EYS: variants seen among roughly 807,000 people sequenced by gnomAD.
EYS encodes EGF-like photoreceptor maintenance factor, also known as protein eyes shut homolog.
A neutral mutation model predicts 282.1 loss-of-function variants in EYS; 250 were observed. That is an observed-to-expected ratio of 0.89 (90% CI 0.80 to 0.98). EYS has a LOEUF of 0.98. Ranked by LOEUF, EYS falls within the 50% of genes least tolerant of loss-of-function variation. EYS has a pLI of 0.00. For synonymous variants in EYS, 1,355 were observed against 1,282.9 expected, an observed-to-expected ratio of 1.06 and a Z score of -1.20; for missense variants, 4,016 against 3,709.0, an observed-to-expected ratio of 1.08 and a Z score of -2.15.
Position 65,199,666 on chromosome 6 carries a change from A to T in EYS, c.2023+96197T>A, listed in dbSNP as rs140768863. On this transcript the variant is annotated intron_variant, in intron 12 of 42. Coordinates refer to ENST00000503581, the MANE Select transcript of EYS (RefSeq NM_001142800.2). The stretch of plus-strand genomic sequence containing the variant: ...TATTCTGTTCAAGAAAGTTAAATTG[A>T]CTTAAAAATACTGAATCATCTGAGT... Among the ~76,000 whole-genome samples, 395 of 152,278 alleles carry T rather than the reference A, an allele frequency of 2.6e-3. 2 individuals are homozygous for T. Among genetic ancestry groups the T allele is most frequent in the African/African-American group, 8.8e-3 (367 of 41,566 alleles).
At chr6:64,176,282 A>G (rs1764631335) in intron 31 of EYS, among the ~76,000 whole-genome samples, 1 of 152,124 alleles carries the variant, frequency 6.6e-6, no homozygotes, top group African/African-American at 2.4e-5. Flanking sequence ...GCCAAAAAGC[A>G]TTATACAAAT....
chr6:64,590,442 A>G lies in EYS; in HGVS notation c.5425T>C (p.Ser1809Pro), dbSNP rs973479262. ...TPALSIQTSS[S>P]MSVIRPDWPY... ...CAATCTGGCCTAATTACAGACATGG[A>G]GGAAGACGTCTGTATTGAAAGTGCT... The change falls in exon 26 of 43, where the codon TCC (serine) becomes CCC (proline). Residue 1809 changes from serine to proline, a missense_variant. By Grantham distance (74) the Ser-to-Pro change is moderately conservative. Coordinates refer to ENST00000503581, the MANE Select transcript of EYS (RefSeq NM_001142800.2). The G allele has an allele frequency of 9.7e-6, 15 of 1,551,052 alleles. No homozygotes were observed. Among genetic ancestry groups the G allele is most frequent in the Non-Finnish European group, 1.3e-5 (15 of 1,146,556 alleles).
chr6:64,585,656 T>C (rs1352804945), intron 26 of EYS, among the ~76,000 whole-genome samples: 1 of 152,114 alleles, frequency 6.6e-6, no homozygotes, highest in Non-Finnish European at 1.5e-5. Flanking sequence ...GTTTTATATA[T>C]AGCATGTATA....
intron 2 of EYS, among the ~76,000 whole-genome samples, chr6:65,599,078 G>T (rs188953641): frequency 4.6e-5 from 7 of 152,058 alleles, no homozygotes; most frequent in Admixed American, 3.9e-4. Context: ...CTCAAGTCCC[G>T]CAGTCAGCCT....
chr6:64,531,771 C>G (rs1235932915), intron 26 of EYS, among the ~76,000 whole-genome samples: 1 of 151,914 alleles, frequency 6.6e-6, no homozygotes, highest in African/African-American at 2.4e-5. Flanking sequence ...AATTTTAATA[C>G]ATTCAGAAAT....
intron 30 of EYS, among the ~76,000 whole-genome samples, chr6:64,292,845 T>C (rs1466806166): frequency 2.0e-5 from 3 of 152,092 alleles, no homozygotes; most frequent in Non-Finnish European, 2.9e-5. Context: ...TTAAAAAATA[T>C]ACATCAAATC....
chr6:64,422,874 C>T (rs1363323294), intron 28 of EYS, among the ~76,000 whole-genome samples: 1 of 151,482 alleles, frequency 6.6e-6, no homozygotes, highest in East Asian at 1.9e-4. Flanking sequence ...TAATAATGTG[C>T]ATAATAAATA....
At chr6:65,610,445 A>T (rs1765957839) in intron 2 of EYS, among the ~76,000 whole-genome samples, 2 of 152,044 alleles carry the variant, frequency 1.3e-5, no homozygotes, top group Non-Finnish European at 2.9e-5. Context: ...CATCATTTAG[A>T]TACATTTTTA....
rs535933835 is a variant in EYS, at chr6:63,896,621, A to G, written c.7056-32263T>C. 3.3e-5 allele frequency among the ~76,000 whole-genome samples: 5 copies of G among 152,292 alleles called. No individual in the cohort carries two copies. The East Asian group carries it at 9.7e-4, about 29-fold the overall frequency. On this transcript the variant is annotated intron_variant, in intron 35 of 42. Coordinates refer to ENST00000503581, the MANE Select transcript of EYS (RefSeq NM_001142800.2). Reference sequence around the variant, plus strand: ...GCTTACTCTTGGTGTTGTACATTCTATGTGTTTGGACAAATACAGAATGAC... The same window carrying G: ...GCTTACTCTTGGTGTTGTACATTCTGTGTGTTTGGACAAATACAGAATGAC...
chr6:64,899,610 T>C (rs564039949), intron 18 of EYS, among the ~76,000 whole-genome samples: 2 of 152,078 alleles, frequency 1.3e-5, no homozygotes, highest in African/African-American at 4.8e-5. Flanking sequence ...AACCAAATCA[T>C]GAGTAAACTC....
At chr6:65,277,429 C>T (rs989709420) in intron 12 of EYS, among the ~76,000 whole-genome samples, 13 of 58,208 alleles carry the variant, frequency 2.2e-4, no homozygotes, top group African/African-American at 5.8e-4. Context: ...GAGATTCCGT[C>T]AAAAAAAAAA....
In EYS at chr6:64,047,632, GTGTT is replaced by G. The variant is rs1770673249; in HGVS notation, c.6725+18702_6725+18705del. 4.6e-5 allele frequency among the ~76,000 whole-genome samples: 7 copies of G among 152,294 alleles called. No homozygotes were observed. The South Asian group carries it at 1.5e-3, about 32-fold the overall frequency. Reference sequence around the variant, plus strand: ...TAGTATTTGCAAAATATTCAGAAGAGTGTTTGTCACATAATAAGCACCATGTGAG... The same window carrying G: ...TAGTATTTGCAAAATATTCAGAAGAGTGTCACATAATAAGCACCATGTGAG... On this transcript the variant is annotated intron_variant, in intron 33 of 42. Coordinates refer to ENST00000503581, the MANE Select transcript of EYS (RefSeq NM_001142800.2).
intron 41 of EYS, among the ~76,000 whole-genome samples, chr6:63,752,558 T>TGCACTCCA (rs1205598008): frequency 2.0e-5 from 3 of 147,498 alleles, no homozygotes; most frequent in Non-Finnish European, 4.4e-5. Flanking sequence ...AGTGGCGCAA[T>TGCACTCCA]CTCGGCTCAC....
intron 2 of EYS, among the ~76,000 whole-genome samples, chr6:65,527,219 C>T (rs16896761): frequency 6.6e-6 from 1 of 152,122 alleles, no homozygotes; most frequent in Non-Finnish European, 1.5e-5. Flanking sequence ...CCCCAAGTAA[C>T]TCTAGAAAGC....
Position 63,885,080 on chromosome 6 carries a change from T to C in EYS, c.7056-20722A>G, listed in dbSNP as rs1310663854. Among the ~76,000 whole-genome samples the C allele has an allele frequency of 3.9e-5, 6 of 152,300 alleles. No individual in the cohort carries two copies. In the South Asian group the frequency reaches 8.3e-4, roughly 21 times the overall value. ...CACCAACTGAAGTGCAGGTTCTAAA[T>C]GGAAATCTATTATATCCTCCCATAT... On this transcript the variant is annotated intron_variant, in intron 35 of 42. Transcript: ENST00000503581.
chr6:65,608,754 G>C (rs1394441881), intron 2 of EYS, among the ~76,000 whole-genome samples: 1 of 151,772 alleles, frequency 6.6e-6, no homozygotes. Flanking sequence ...AATTTTAAAA[G>C]ATTTATTTTC....
chr6:64,393,292 T>A (rs1561968799), intron 28 of EYS, among the ~76,000 whole-genome samples: 1 of 152,182 alleles, frequency 6.6e-6, no homozygotes, highest in Non-Finnish European at 1.5e-5. Context: ...AAGGCCAGCA[T>A]CATTCTGATA....
At chr6:64,322,337 T>C (rs577170174) in intron 29 of EYS, among the ~76,000 whole-genome samples, 10 of 152,052 alleles carry the variant, frequency 6.6e-5, no homozygotes, top group Non-Finnish European at 1.3e-4. Context: ...ATCATGTTAG[T>C]AGAAACCCAG....
chr6:65,364,564 C>T (rs1764840572), intron 8 of EYS, among the ~76,000 whole-genome samples: 1 of 151,168 alleles, frequency 6.6e-6, no homozygotes, highest in African/African-American at 2.4e-5. Context: ...CTTATGATAT[C>T]CTTCTCTTTA....
Sources: gnomAD v4.1 joint callset for allele counts (sites outside exome capture counted in the v4.1 genomes callset) on GRCh38, gnomAD v4.1.1 for gene constraint, MANE v1.5 for transcripts, NCBI Gene and HGNC (gene_info 2026-07-23, HGNC 2026-07-21) for gene names.